Variants in FRMPD3 observed in about 807,000 individuals in gnomAD.
The protein encoded by FRMPD3 is FERM and PDZ domain containing 3.
Under a neutral mutation model 97.9 loss-of-function variants are expected in FRMPD3, and 42 were observed. The ratio of observed to expected loss-of-function variants is 0.43; its 90% confidence interval spans 0.34 to 0.55. The LOEUF is 0.55. Ranked by LOEUF, FRMPD3 falls within the 20% of genes least tolerant of loss-of-function variation. The pLI is 0.03. For missense variants in FRMPD3, 1,303 were observed against 1,457.7 expected (o/e 0.89, Z 1.73); for synonymous variants, 577 against 581.1 (o/e 0.99, Z 0.10).
intron 1 of FRMPD3, among the ~76,000 whole-genome samples, chrX:107,511,673 C>T (rs951199043): frequency 4.4e-5 from 5 of 112,912 alleles, no homozygotes; most frequent in African/African-American, 1.6e-4. Context: ...CAGAGGGGTG[C>T]TATTTGAGCC....
chrX:107,559,925 A>G (rs1177909334), intron 8 of FRMPD3, among the ~76,000 whole-genome samples: 1 of 109,448 alleles, frequency 9.1e-6, no homozygotes, highest in South Asian at 4.0e-4. Context: ...CCCATGAAAA[A>G]AAGTAGGAAA....
chrX:107,474,977 G>A (rs747937717), intron 1 of FRMPD3, among the ~76,000 whole-genome samples: 1 of 111,645 alleles, frequency 9.0e-6, no homozygotes, highest in East Asian at 2.8e-4. Flanking sequence ...GTGGAGAACG[G>A]GTGTATATTT....
chrX:107,499,389 G>A (rs1467798298), intron 1 of FRMPD3, among the ~76,000 whole-genome samples: 2 of 112,225 alleles, frequency 1.8e-5, no homozygotes, highest in South Asian at 7.5e-4. Context: ...TCTAGAGTAC[G>A]AAATGCCATC....
intron 13 of FRMPD3, among the ~76,000 whole-genome samples, chrX:107,589,106 T>C (rs949472343): frequency 9.0e-6 from 1 of 111,486 alleles, no homozygotes; most frequent in Non-Finnish European, 1.9e-5. Flanking sequence ...TCCATCCAGT[T>C]CTGTGCCCTT....
intron 4 of FRMPD3, chrX:107,545,491 G>C: frequency 6.4e-6 from 2 of 311,781 alleles, no homozygotes; most frequent in South Asian, 1.6e-4. Context: ...CCTAGGCCTA[G>C]AGTATTAATA....
chrX:107,451,641 G>A (rs1931293308), intron 1 of FRMPD3, among the ~76,000 whole-genome samples: 1 of 112,594 alleles, frequency 8.9e-6, no homozygotes, highest in Non-Finnish European at 1.9e-5. Flanking sequence ...ACTTGGCCGT[G>A]CCCAAGCAAA....
At chrX:107,592,998 G>A (rs954550017) in intron 13 of FRMPD3, among the ~76,000 whole-genome samples, 8 of 109,929 alleles carry the variant, frequency 7.3e-5, no homozygotes, top group African/African-American at 2.3e-4. Context: ...GGCTGGTCTC[G>A]AACTCCTGAC....
At chrX:107,520,485 CA>C (rs367762365) in intron 1 of FRMPD3, among the ~76,000 whole-genome samples, 2,107 of 92,028 alleles carry the variant, frequency 0.023, 55 homozygotes, top group African/African-American at 0.073. Context: ...ACTAAAAATA[CA>C]AAAAAAAAAA....
chrX:107,534,806 C>T (rs926327181), intron 4 of FRMPD3, among the ~76,000 whole-genome samples: 2 of 112,150 alleles, frequency 1.8e-5, no homozygotes, highest in African/African-American at 6.5e-5. Context: ...CACTCACCCA[C>T]TCATACCCAT....
At chrX:107,600,015 T>C (rs1295727238) in intron 14 of FRMPD3, among the ~76,000 whole-genome samples, 1 of 112,380 alleles carries the variant, frequency 8.9e-6, no homozygotes, top group Non-Finnish European at 1.9e-5. Flanking sequence ...TACAGATTTT[T>C]CTTGTCATTA....
intron 8 of FRMPD3, 70 bp downstream of exon 8, chrX:107,554,574 C>T: frequency 8.8e-7 from 1 of 1,133,295 alleles, no homozygotes; most frequent in Non-Finnish European, 1.2e-6. Context: ...TCTGCCATCA[C>T]AATGAAATAG....
intron 1 of FRMPD3, among the ~76,000 whole-genome samples, chrX:107,459,884 T>TACAC (rs67324661): frequency 0.018 from 1,580 of 89,835 alleles, 11 homozygotes; most frequent in South Asian, 0.033. Context: ...CAAGCATACA[T>TACAC]ACACACACAC....
At chrX:107,568,843 G>C (rs1207801777) in intron 12 of FRMPD3, among the ~76,000 whole-genome samples, 1 of 110,608 alleles carries the variant, frequency 9.0e-6, no homozygotes, top group Non-Finnish European at 1.9e-5. Context: ...AGGATAACTT[G>C]AGCCCAGGAG....
intron 1 of FRMPD3, among the ~76,000 whole-genome samples, chrX:107,498,879 A>G (rs1921838803): frequency 1.8e-5 from 2 of 111,312 alleles, no homozygotes; most frequent in Admixed American, 1.9e-4. Flanking sequence ...CAGAGAATCT[A>G]TGACGTTAGT....
chrX:107,601,846 A>T lies in FRMPD3; in HGVS notation c.3807A>T (p.Gln1269His), dbSNP rs767634838. ...AGCTGCCAGGCACCGAGTACCTGCA[A>T]CCTCCAGCACCTGGCCGCTGCAGCT... ...QGELPGTEYL[Q>H]PPAPGRCSCQ... Residue 1269 changes from glutamine to histidine, a missense_variant, in exon 15 of 15, where the codon CAA becomes CAT. Transcript: ENST00000683843. 1 of 1,209,223 alleles carries T rather than the reference A, an allele frequency of 8.3e-7. No homozygotes were observed. The highest frequency in any genetic ancestry group is 1.1e-6 in the Non-Finnish European group (1 of 894,731).
intron 12 of FRMPD3, among the ~76,000 whole-genome samples, chrX:107,567,464 A>G (rs1271199060): frequency 8.9e-6 from 1 of 112,654 alleles, no homozygotes; most frequent in Non-Finnish European, 1.9e-5. Context: ...ACAAAAGAAC[A>G]GGAAGGAGTT....
chrX:107,591,931 T>A (rs768170406), intron 13 of FRMPD3, among the ~76,000 whole-genome samples: 1 of 111,881 alleles, frequency 8.9e-6, no homozygotes, highest in African/African-American at 3.2e-5. Flanking sequence ...CTTTTAGTTA[T>A]TTTATTTTAT....
rs200194961 is a variant in FRMPD3, at chrX:107,590,351, AAAAG to A, written c.1442-6946_1442-6943del. On this transcript the variant is annotated intron_variant, in intron 13 of 14. Coordinates refer to ENST00000683843, the MANE Select transcript of FRMPD3 (RefSeq NM_001388459.1). The stretch of plus-strand genomic sequence containing the variant: ...TCTGGACAGACCCCAGACTAAAAAG[AAAAG>A]AAAGAAAGAAAGAAAGAAAGAAAAG... Among the ~76,000 whole-genome samples, 281 of 109,037 alleles carry A rather than the reference AAAAG, an allele frequency of 2.6e-3. 1 individual carries two copies. The highest frequency in any genetic ancestry group is 8.5e-3 in the African/African-American group (243 of 28,587). 94.7% of individuals were successfully genotyped at this position (109,037 alleles called of 115,157 possible). A position where few individuals can be genotyped will look rare whatever the true frequency, so the allele number is the denominator to read the frequency against.
chrX:107,486,388 G>A lies in FRMPD3; in HGVS notation c.-8+36383G>A, dbSNP rs755261752. On this transcript the variant is annotated intron_variant, in intron 1 of 14. Transcript: ENST00000683843. ...TGCCAAGATCCCTGAAAATTATTGCGTTGGGTCAAGGCATTGTCCTCCAAA... is the reference window on the plus strand; with the variant it reads ...TGCCAAGATCCCTGAAAATTATTGCATTGGGTCAAGGCATTGTCCTCCAAA... Among the ~76,000 whole-genome samples the A allele has an allele frequency of 3.6e-5, 4 of 112,618 alleles. No homozygotes were observed. In the Admixed American group the frequency reaches 3.7e-4, roughly 11 times the overall value.
Sources: allele counts gnomAD v4.1 joint callset (sites outside exome capture counted in the v4.1 genomes callset), GRCh38; gene constraint gnomAD v4.1.1; transcripts MANE v1.5; gene names NCBI Gene and HGNC (gene_info 2026-07-23, HGNC 2026-07-21).